The following PARD3B variants were observed in gnomAD, a reference collection of about 807,000 sequenced individuals.
The protein encoded by PARD3B is partitioning defective 3 homolog B.
PARD3B carries 103 observed loss-of-function variants against 130.2 expected under a neutral mutation model. That is an observed-to-expected ratio of 0.79 (90% CI 0.67 to 0.93). The LOEUF is 0.93. Among genes scored for constraint, PARD3B ranks in the 40% least tolerant of loss-of-function variants. The pLI is 0.00. For missense variants in PARD3B, 1,609 were observed against 1,499.2 expected, an observed-to-expected ratio of 1.07 and a Z score of -1.21; for synonymous variants, 583 against 553.2, an observed-to-expected ratio of 1.05 and a Z score of -0.76.
intron 18 of PARD3B, among the ~76,000 whole-genome samples, chr2:205,361,337 A>G (rs1422288875): frequency 6.6e-6 from 1 of 152,148 alleles, no homozygotes. Flanking sequence ...ATACCTCTGG[A>G]ATCACCCCAT....
chr2:204,607,241 T>C (rs760778562), intron 1 of PARD3B, among the ~76,000 whole-genome samples: 73 of 152,198 alleles, frequency 4.8e-4, no homozygotes, highest in Non-Finnish European at 9.0e-4. Context: ...CAGATTATCA[T>C]ATAGACGAAT....
intron 1 of PARD3B, among the ~76,000 whole-genome samples, chr2:204,586,722 G>A (rs2032843657): frequency 6.6e-6 from 1 of 152,032 alleles, no homozygotes; most frequent in Non-Finnish European, 1.5e-5. Flanking sequence ...CACAGCTTGT[G>A]GTACACCTAT....
At position 205,052,744 on chromosome 2, in the gene PARD3B, A is replaced by G. The variant is rs187309503; in HGVS notation, c.504+5054A>G. On this transcript the variant is annotated intron_variant, in intron 4 of 22. Coordinates refer to ENST00000406610, the MANE Select transcript of PARD3B (RefSeq NM_001302769.2). Reference sequence around the variant, plus strand: ...TCCTCCCTGCAAATATGTATTAAATAATGAAGGTTAGTTCATCATATTATC... The same window carrying G: ...TCCTCCCTGCAAATATGTATTAAATGATGAAGGTTAGTTCATCATATTATC... Among the ~76,000 whole-genome samples, 60 of 152,254 alleles carry G rather than the reference A, an allele frequency of 3.9e-4. 1 individual carries two copies. The highest frequency in any genetic ancestry group is 3.6e-3 in the Admixed American group (55 of 15,276).
In PARD3B at chr2:205,245,789, A is replaced by T; in HGVS notation, c.2152A>T (p.Ser718Cys). ...TTTCTTCTCCTCAGTGCCAGATGAA[A>T]GCAAGGTTCACTCATTGGCTGGACA... ...SKSMDLVPDE[S>C]KVHSLAGQKS... The change falls in exon 16 of 23, where the codon AGC becomes TGC. Residue 718 changes from serine to cysteine, a missense_variant. Coordinates refer to ENST00000406610, the MANE Select transcript of PARD3B (RefSeq NM_001302769.2). The T allele has an allele frequency of 1.9e-6, 3 of 1,602,570 alleles. No homozygotes were observed. The highest frequency in any genetic ancestry group is 2.6e-6 in the Non-Finnish European group (3 of 1,170,114).
intron 4 of PARD3B, among the ~76,000 whole-genome samples, chr2:205,069,384 G>T (rs1411202531): frequency 6.6e-6 from 1 of 151,842 alleles, no homozygotes; most frequent in Non-Finnish European, 1.5e-5. Context: ...TAAAAATCCA[G>T]TCTGATAATC....
intron 1 of PARD3B, among the ~76,000 whole-genome samples, chr2:204,618,198 C>A (rs1250531595): frequency 2.0e-5 from 3 of 152,070 alleles, no homozygotes; most frequent in Non-Finnish European, 4.4e-5. Context: ...ATGTTTATGT[C>A]CTAGAATTTT....
chr2:205,247,216 G>A (rs761746598), intron 16 of PARD3B, among the ~76,000 whole-genome samples: 3 of 152,020 alleles, frequency 2.0e-5, no homozygotes, highest in Non-Finnish European at 4.4e-5. Context: ...GCTTTTTCCA[G>A]GAAATCAAAT....
At chr2:205,472,689 C>A (rs1458441017) in intron 20 of PARD3B, among the ~76,000 whole-genome samples, 1 of 152,040 alleles carries the variant, frequency 6.6e-6, no homozygotes, top group Non-Finnish European at 1.5e-5. Flanking sequence ...AACAAGATGC[C>A]CAGTAATGGT....
rs997066108 is a variant in PARD3B at position 205,578,640 on chromosome 2, G to A, written c.3260+25237G>A. On this transcript the variant is annotated intron_variant, in intron 22 of 22. Transcript: ENST00000406610. Reference sequence around the variant, plus strand: ...TGAGAAAAAATGGTATCAAGGTATTGGTGGTGTCAAAATGGACTGGCCCAA... The same window carrying A: ...TGAGAAAAAATGGTATCAAGGTATTAGTGGTGTCAAAATGGACTGGCCCAA... Among the ~76,000 whole-genome samples the A allele has an allele frequency of 2.0e-5, 3 of 152,202 alleles. No individual in the cohort carries two copies. In the East Asian group the frequency reaches 5.8e-4, roughly 29 times the overall value.
At chr2:205,256,374 C>G (rs1331984410) in intron 16 of PARD3B, among the ~76,000 whole-genome samples, 1 of 152,114 alleles carries the variant, frequency 6.6e-6, no homozygotes, top group Non-Finnish European at 1.5e-5. Flanking sequence ...TCTTTGCCAA[C>G]TGCTACAAAT....
At chr2:205,565,640 T>C (rs1321071997) in intron 22 of PARD3B, among the ~76,000 whole-genome samples, 1 of 152,178 alleles carries the variant, frequency 6.6e-6, no homozygotes. Context: ...TCTTATCCAA[T>C]TTTTTAAAAA....
At chr2:204,625,219 C>G (rs991446663) in intron 1 of PARD3B, among the ~76,000 whole-genome samples, 2 of 152,072 alleles carry the variant, frequency 1.3e-5, no homozygotes, top group African/African-American at 4.8e-5. Context: ...TTACCCAGGA[C>G]AATTGTTGTG....
At chr2:204,996,365 TG>T (rs1026944222) in intron 3 of PARD3B, among the ~76,000 whole-genome samples, 3 of 152,086 alleles carry the variant, frequency 2.0e-5, no homozygotes, top group East Asian at 1.9e-4. Flanking sequence ...GTGCCCCTGC[TG>T]GGGGGTGCCT....
intron 4 of PARD3B, among the ~76,000 whole-genome samples, chr2:205,062,436 C>T (rs188919649): frequency 1.6e-4 from 25 of 152,232 alleles, no homozygotes; most frequent in African/African-American, 5.1e-4. Context: ...TCAGTTCCTG[C>T]TCCCCGCTCC....
chr2:205,215,669 T>C (rs756339919), intron 15 of PARD3B, among the ~76,000 whole-genome samples: 8 of 152,134 alleles, frequency 5.3e-5, no homozygotes, highest in Non-Finnish European at 7.4e-5. Context: ...GTACAGAACA[T>C]GCTTGTTGGC....
chr2:205,303,217 T>C (rs1233403962), intron 18 of PARD3B, among the ~76,000 whole-genome samples: 1 of 152,202 alleles, frequency 6.6e-6, no homozygotes, highest in Non-Finnish European at 1.5e-5. Flanking sequence ...GATTCCACCT[T>C]CTCCTATTTC....
chr2:205,492,123 T>C (rs911612358), intron 20 of PARD3B, among the ~76,000 whole-genome samples: 1 of 152,178 alleles, frequency 6.6e-6, no homozygotes, highest in Non-Finnish European at 1.5e-5. Context: ...TATGTTAGTG[T>C]AGAGCATAGT....
Position 205,550,616 on chromosome 2 carries a change from CTATTTCATTCTTTGGT to C in PARD3B, c.3181-2700_3181-2685del, listed in dbSNP as rs1402032564. Among the ~76,000 whole-genome samples, 1 of 152,008 alleles carries C rather than the reference CTATTTCATTCTTTGGT, an allele frequency of 6.6e-6. No individual in the cohort carries two copies. Among genetic ancestry groups the C allele is most frequent in the African/African-American group, 2.4e-5 (1 of 41,398 alleles). On this transcript the variant is annotated intron_variant, in intron 21 of 22. Coordinates refer to ENST00000406610, the MANE Select transcript of PARD3B (RefSeq NM_001302769.2). This position sits in a 1 kb window ranked among gnomAD's most constrained non-coding sequence, Gnocchi z 4.5. ...GAATGGCACTTGAAAATACATTATC[CTATTTCATTCTTTGGT>C]TATTTCAGTTTGAATGCTGTTTTCC...
intron 7 of PARD3B, among the ~76,000 whole-genome samples, chr2:205,120,357 G>A (rs1019746846): frequency 6.6e-6 from 1 of 152,060 alleles, no homozygotes; most frequent in Non-Finnish European, 1.5e-5. Flanking sequence ...TAGGGGAACT[G>A]ACCACAGGAG....
Sources: allele counts gnomAD v4.1 joint callset (sites outside exome capture counted in the v4.1 genomes callset), GRCh38; gene constraint gnomAD v4.1.1; non-coding constraint Gnocchi (gnomAD v3.1); transcripts MANE v1.5; gene names NCBI Gene and HGNC (gene_info 2026-07-23, HGNC 2026-07-21).